GRIA1: variants seen among roughly 807,000 people sequenced by gnomAD.
The protein encoded by GRIA1 is glutamate ionotropic receptor AMPA type subunit 1.
In GRIA1, 31 loss-of-function variants were observed where a neutral mutation model predicts 99.2. That is an observed-to-expected ratio of 0.31 (90% CI 0.23 to 0.42). GRIA1 has a LOEUF of 0.42. Among genes scored for constraint, GRIA1 ranks in the 10% least tolerant of loss-of-function variants. The pLI is 1.00. For missense variants in GRIA1, 782 were observed against 1,157.5 expected (o/e 0.68, Z 4.71); for synonymous variants, 438 against 432.4 (o/e 1.01, Z -0.16).
intron 2 of GRIA1, among the ~76,000 whole-genome samples, chr5:153,502,257 A>C (rs976638710): frequency 1.3e-5 from 2 of 152,128 alleles, no homozygotes; most frequent in Non-Finnish European, 2.9e-5. Context: ...GACCTTGTTT[A>C]CTTTAGCTTC....
At chr5:153,723,910 G>C (rs1421247363) in intron 11 of GRIA1, among the ~76,000 whole-genome samples, 1 of 152,212 alleles carries the variant, frequency 6.6e-6, no homozygotes, top group African/African-American at 2.4e-5. Context: ...CCATCATGCA[G>C]CTGGAGATCT....
chr5:153,720,342 C>T (rs115676853), intron 11 of GRIA1, among the ~76,000 whole-genome samples: 161 of 152,242 alleles, frequency 1.1e-3, no homozygotes, highest in African/African-American at 3.7e-3. Context: ...TCATCATAAG[C>T]CTTGGAGGCA....
chr5:153,510,647 G>T (rs1755975660), intron 2 of GRIA1, among the ~76,000 whole-genome samples: 1 of 152,142 alleles, frequency 6.6e-6, no homozygotes, highest in African/African-American at 2.4e-5. Flanking sequence ...GGCTTTGAAG[G>T]TCAGGAATAA....
At chr5:153,657,594 A>G (rs1755048711) in intron 5 of GRIA1, among the ~76,000 whole-genome samples, 1 of 152,236 alleles carries the variant, frequency 6.6e-6, no homozygotes, top group Admixed American at 6.5e-5. Context: ...GTCTGTTAGT[A>G]GAAATAAGGC....
At chr5:153,765,769 T>C (rs1363852984) in intron 12 of GRIA1, among the ~76,000 whole-genome samples, 1 of 152,210 alleles carries the variant, frequency 6.6e-6, no homozygotes, top group Non-Finnish European at 1.5e-5. Flanking sequence ...CCAGGTCCTG[T>C]GCTAAGCACA....
At chr5:153,498,199 T>C (rs190848547) in intron 2 of GRIA1, among the ~76,000 whole-genome samples, 1 of 152,306 alleles carries the variant, frequency 6.6e-6, no homozygotes, top group African/African-American at 2.4e-5. Context: ...TTTGCTGAGA[T>C]GGGACAGAGT....
intron 13 of GRIA1, among the ~76,000 whole-genome samples, chr5:153,772,731 G>A (rs1386955555): frequency 6.6e-5 from 10 of 152,122 alleles, no homozygotes; most frequent in Admixed American, 5.2e-4. Flanking sequence ...ATAGTGTTTG[G>A]CAACGAAGAG....
At chr5:153,632,284 T>A (rs1047588756) in intron 2 of GRIA1, among the ~76,000 whole-genome samples, 2 of 152,138 alleles carry the variant, frequency 1.3e-5, no homozygotes, top group African/African-American at 4.8e-5. Context: ...AGAATGGAGA[T>A]GTAAAGTGGG....
chr5:153,609,561 T>C (rs1222707854), intron 2 of GRIA1, among the ~76,000 whole-genome samples: 6 of 135,450 alleles, frequency 4.4e-5, no homozygotes, highest in South Asian at 2.6e-4. Context: ...TTTTCTTTTT[T>C]TTTTTTTTTT....
intron 2 of GRIA1, among the ~76,000 whole-genome samples, chr5:153,643,909 A>T (rs1028194066): frequency 3.3e-5 from 5 of 152,098 alleles, no homozygotes; most frequent in Non-Finnish European, 7.4e-5. Context: ...TTCCTACTTC[A>T]CTTCTAAAGT....
rs183971396 is a variant in GRIA1, at chr5:153,676,147, G to A, written c.862-847G>A. The stretch of plus-strand genomic sequence containing the variant: ...GCTGGGATTACAGGCGTGAGCCACT[G>A]CGCCCGGCATGTAATTTAATTTTTT... On this transcript the variant is annotated intron_variant, in intron 6 of 15. Transcript: ENST00000285900. Among the ~76,000 whole-genome samples, 795 of 152,282 alleles carry A rather than the reference G, an allele frequency of 5.2e-3. 3 individuals carry two copies. The highest frequency in any genetic ancestry group is 8.7e-3 in the Non-Finnish European group (591 of 68,032).
intron 11 of GRIA1, among the ~76,000 whole-genome samples, chr5:153,744,611 A>G (rs1053445263): frequency 6.6e-6 from 1 of 152,220 alleles, no homozygotes; most frequent in African/African-American, 2.4e-5. Flanking sequence ...CTGTACAGTT[A>G]TTAGGTTCTA....
intron 11 of GRIA1, among the ~76,000 whole-genome samples, chr5:153,751,735 G>A (rs928819375): frequency 1.3e-5 from 2 of 152,188 alleles, no homozygotes; most frequent in East Asian, 1.9e-4. Flanking sequence ...AATGCCTATC[G>A]GAAACCCAGA....
intron 2 of GRIA1, among the ~76,000 whole-genome samples, chr5:153,508,843 C>A (rs896842676): frequency 1.5e-5 from 2 of 137,510 alleles, no homozygotes; most frequent in African/African-American, 5.9e-5. Context: ...AACCATGATT[C>A]TGATTACACT....
At chr5:153,643,955 G>A (rs924413528) in intron 2 of GRIA1, among the ~76,000 whole-genome samples, 15 of 152,114 alleles carry the variant, frequency 9.9e-5, no homozygotes, top group Non-Finnish European at 1.8e-4. Context: ...GGCCCCAGAG[G>A]CCCAACTAAA....
intron 11 of GRIA1, among the ~76,000 whole-genome samples, chr5:153,739,133 C>A (rs1379241505): frequency 1.3e-5 from 2 of 151,824 alleles, no homozygotes; most frequent in Non-Finnish European, 2.9e-5. Context: ...CCATCCCTTA[C>A]CACCTTGCTG....
chr5:153,506,217 T>A (rs1037419958), intron 2 of GRIA1, among the ~76,000 whole-genome samples: 1 of 152,076 alleles, frequency 6.6e-6, no homozygotes, highest in Non-Finnish European at 1.5e-5. Context: ...GGGGGAGGTA[T>A]GCTAGGGCAT....
At chr5:153,557,421 T>C (rs1211226999) in intron 2 of GRIA1, among the ~76,000 whole-genome samples, 1 of 152,164 alleles carries the variant, frequency 6.6e-6, no homozygotes, top group African/African-American at 2.4e-5. Flanking sequence ...CCTGCCCCCA[T>C]GTCTGGCTAA....
intron 2 of GRIA1, among the ~76,000 whole-genome samples, chr5:153,609,489 T>C (rs1449705007): frequency 1.3e-5 from 2 of 151,862 alleles, no homozygotes; most frequent in Admixed American, 1.3e-4. Flanking sequence ...TCCCACAATG[T>C]CCAGCTAGCC....
Sources: allele counts gnomAD v4.1 joint callset (sites outside exome capture counted in the v4.1 genomes callset), GRCh38; gene constraint gnomAD v4.1.1; transcripts MANE v1.5; gene names NCBI Gene and HGNC (gene_info 2026-07-23, HGNC 2026-07-21).